Variants in ACER1 observed in about 807,000 individuals in gnomAD.
ACER1 encodes the protein CTB-180A7.3.
Under a neutral mutation model 24.9 loss-of-function variants are expected in ACER1, and 28 were observed. The ratio of observed to expected loss-of-function variants is 1.13; its 90% CI spans 0.83 to 1.54. The LOEUF is 1.54. Among genes scored for constraint, ACER1 ranks in the 40% most tolerant of loss-of-function variants. The pLI is 0.00. For missense variants in ACER1, 352 were observed against 349.3 expected, an observed-to-expected ratio of 1.01 and a Z score of -0.06; for synonymous variants, 132 against 131.4, an observed-to-expected ratio of 1.00 and a Z score of -0.03.
At chr19:6,335,620 G>C (rs2091711144), upstream of ACER1, among the ~76,000 whole-genome samples, 1 of 151,972 alleles carries the variant, frequency 6.6e-6, no homozygotes, top group Middle Eastern at 3.2e-3. Context: ...CACAAGGTCA[G>C]GAGATTGAGA....
chr19:6,309,571 A>G (rs902258758), intron 4 of ACER1, 126 bp downstream of exon 4: 1 of 1,269,670 alleles, frequency 7.9e-7, no homozygotes, highest in Admixed American at 2.0e-5. Flanking sequence ...TCAGGTTCAA[A>G]TCCTGGCCCT....
At chr19:6,308,860 G>A (rs1169992659) in intron 4 of ACER1, among the ~76,000 whole-genome samples, 2 of 152,080 alleles carry the variant, frequency 1.3e-5, no homozygotes, top group Non-Finnish European at 2.9e-5. Context: ...GGTTTGTGGG[G>A]CTATTTTCTC....
At chr19:6,315,590 A>T (rs1241517639) in intron 1 of ACER1, among the ~76,000 whole-genome samples, 1 of 152,034 alleles carries the variant, frequency 6.6e-6, no homozygotes, top group Non-Finnish European at 1.5e-5. Context: ...CGTGTTAGTC[A>T]GGATGGTCTC....
At chr19:6,320,276 T>C (rs1214581410) in intron 1 of ACER1, among the ~76,000 whole-genome samples, 1 of 152,068 alleles carries the variant, frequency 6.6e-6, no homozygotes, top group African/African-American at 2.4e-5. Flanking sequence ...CTGCTAATGT[T>C]GGAGGGACGA....
the ACER1 span, chr19:6,360,348 C>G: frequency 6.6e-6 from 1 of 151,688 alleles, no homozygotes; most frequent in South Asian, 2.1e-4. Flanking sequence ...TCTGGGACCC[C>G]TCTTCCAAGA....
At chr19:6,337,937 A>G (rs1369289802), upstream of ACER1, among the ~76,000 whole-genome samples, 2 of 151,214 alleles carry the variant, frequency 1.3e-5, no homozygotes, top group Non-Finnish European at 2.9e-5. Context: ...TCGGCCTCCC[A>G]AAGTGCTGGG....
At chr19:6,357,454 G>C in the ACER1 span, among the ~76,000 whole-genome samples, 3 of 151,680 alleles carry the variant, frequency 2.0e-5, no homozygotes, top group East Asian at 3.9e-4. Context: ...GGGTCAGCAG[G>C]GGGGACGGGG....
At chr19:6,315,889 G>A (rs1341538989) in intron 1 of ACER1, among the ~76,000 whole-genome samples, 1 of 152,194 alleles carries the variant, frequency 6.6e-6, no homozygotes, top group Non-Finnish European at 1.5e-5. Flanking sequence ...CAGCACTTGG[G>A]GAGGTTGAGA....
At chr19:6,314,872 T>TTTTATTTATTTA (rs141253604) in intron 1 of ACER1, among the ~76,000 whole-genome samples, 2,403 of 150,208 alleles carry the variant, frequency 0.016, 62 homozygotes, top group African/African-American at 0.055. Context: ...CACAATGGAA[T>TTTTATTTATTTA]TTTATTTATT....
At chr19:6,337,827 C>CACCA (rs1045797506), upstream of ACER1, among the ~76,000 whole-genome samples, 1 of 151,112 alleles carries the variant, frequency 6.6e-6, no homozygotes, top group African/African-American at 2.4e-5. Context: ...AGGCACCCAC[C>CACCA]ACCAACGCCT....
intron 1 of ACER1, among the ~76,000 whole-genome samples, chr19:6,322,467 C>T (rs2091635750): frequency 6.6e-6 from 1 of 152,146 alleles, no homozygotes; most frequent in African/African-American, 2.4e-5. Flanking sequence ...AAACTCCTAC[C>T]CCACTTGGCA....
the ACER1 span, among the ~76,000 whole-genome samples, chr19:6,339,920 C>A: frequency 6.6e-6 from 1 of 151,818 alleles, no homozygotes; most frequent in Non-Finnish European, 1.5e-5. Flanking sequence ...CCGCCTCAGC[C>A]TCCTAAAGTG....
At chr19:6,315,048 C>T (rs1258939967) in intron 1 of ACER1, among the ~76,000 whole-genome samples, 4 of 148,282 alleles carry the variant, frequency 2.7e-5, no homozygotes, top group African/African-American at 4.9e-5. Flanking sequence ...CCTGCCACCA[C>T]GCCCAGCTAA....
At chr19:6,348,564 CT>C in the ACER1 span, among the ~76,000 whole-genome samples, 2 of 151,034 alleles carry the variant, frequency 1.3e-5, no homozygotes, top group African/African-American at 4.9e-5. Flanking sequence ...GGGAAAAAAT[CT>C]TTCGTCACAA....
chr19:6,349,487 G>GGGAAGGAA, the ACER1 span, among the ~76,000 whole-genome samples: 1 of 137,208 alleles, frequency 7.3e-6, no homozygotes, highest in East Asian at 2.0e-4. Flanking sequence ...GAAGGAGGGA[G>GGGAAGGAA]GGAAGGAAGG....
chr19:6,344,678 G>A, the ACER1 span, among the ~76,000 whole-genome samples: 1 of 151,802 alleles, frequency 6.6e-6, no homozygotes, highest in Non-Finnish European at 1.5e-5. Context: ...TTACAAGCGT[G>A]AGCCACCGCA....
chr19:6,312,625 C>T, intron 1 of ACER1, 126 bp from the exon 2 acceptor site: 1 of 683,824 alleles, frequency 1.5e-6, no homozygotes, highest in Non-Finnish European at 2.6e-6. Flanking sequence ...TGCATCAACC[C>T]AGGATTTGTC....
At chr19:6,347,109 A>AAAAATATATATATATATATAT in the ACER1 span, among the ~76,000 whole-genome samples, 9 of 113,768 alleles carry the variant, frequency 7.9e-5, no homozygotes, top group African/African-American at 4.0e-4. Context: ...AAAAAAAAAA[A>AAAAATATATATATATATATAT]ATATATATAT....
chr19:6,349,325 A>G, the ACER1 span, among the ~76,000 whole-genome samples: 2 of 148,798 alleles, frequency 1.3e-5, no homozygotes, highest in African/African-American at 2.5e-5. Context: ...AATAAAAGAA[A>G]GAAAGAGAGA....
Sources: allele counts gnomAD v4.1 joint callset (sites outside exome capture counted in the v4.1 genomes callset), GRCh38; gene constraint gnomAD v4.1.1; transcripts MANE v1.5; gene names NCBI Gene and HGNC (gene_info 2026-07-23, HGNC 2026-07-21).